SLC16A7: variants seen among roughly 807,000 people sequenced by gnomAD.
SLC16A7 encodes solute carrier family 16 member 7, also known as monocarboxylate transporter 2.
Under a neutral mutation model 34.9 loss-of-function variants are expected in SLC16A7, and 33 were observed. The ratio of observed to expected loss-of-function variants is 0.94; its 90% CI spans 0.72 to 1.26. SLC16A7 has a LOEUF of 1.26. SLC16A7 is among the 50% of genes most tolerant of loss of function. SLC16A7 has a pLI of 0.00. For missense variants in SLC16A7, 573 were observed against 578.1 expected (o/e 0.99, Z 0.09); for synonymous variants, 201 against 206.6 (o/e 0.97, Z 0.23).
chr12:59,718,020 T>C (rs916153800), intron 3 of SLC16A7, among the ~76,000 whole-genome samples: 4 of 152,186 alleles, frequency 2.6e-5, no homozygotes, highest in Admixed American at 6.5e-5. Context: ...AGTATCTAAA[T>C]TTCTGTTTGG....
intron 1 of SLC16A7, among the ~76,000 whole-genome samples, chr12:59,646,580 A>C (rs938103439): frequency 6.6e-6 from 1 of 152,150 alleles, no homozygotes; most frequent in African/African-American, 2.4e-5. Context: ...GGCAGTGCAG[A>C]AGGTGAATGT....
intron 4 of SLC16A7, among the ~76,000 whole-genome samples, chr12:59,772,482 T>C (rs1014152174): frequency 5.9e-5 from 9 of 152,170 alleles, no homozygotes; most frequent in African/African-American, 9.7e-5. Context: ...GCATTATTGG[T>C]GTTTCAACTT....
rs576320262 is a variant in SLC16A7, at chr12:59,633,062, C to T, written c.-129-22090C>T. ...AAGAATAATAATTCTGATGTTCATC[C>T]GGGGGTGGATATGACAAGATTTTGA... On this transcript the variant is annotated intron_variant, in intron 1 of 5. Coordinates refer to ENST00000547379, the MANE Select transcript of SLC16A7 (RefSeq NM_001270623.2). Among the ~76,000 whole-genome samples the T allele has an allele frequency of 1.3e-4, 20 of 151,970 alleles. No homozygotes were observed. In the East Asian group the frequency reaches 2.3e-3, roughly 18 times the overall value.
chr12:59,613,838 A>G (rs1879314360), intron 1 of SLC16A7, among the ~76,000 whole-genome samples: 1 of 152,234 alleles, frequency 6.6e-6, no homozygotes, highest in Non-Finnish European at 1.5e-5. Context: ...CCAACAATTC[A>G]AACAAAAAGT....
intron 3 of SLC16A7, among the ~76,000 whole-genome samples, chr12:59,750,778 C>T (rs1879432319): frequency 1.3e-5 from 2 of 152,138 alleles, no homozygotes; most frequent in South Asian, 4.1e-4. Context: ...TACTGTAGCA[C>T]TGTTCACAAT....
At chr12:59,711,830 G>A (rs182811198) in intron 3 of SLC16A7, among the ~76,000 whole-genome samples, 9 of 152,246 alleles carry the variant, frequency 5.9e-5, no homozygotes, top group Non-Finnish European at 1.5e-5. Flanking sequence ...TATGTGAGTT[G>A]GTGCCTAGAG....
At chr12:59,637,413 G>A (rs542973865) in intron 1 of SLC16A7, among the ~76,000 whole-genome samples, 3 of 150,772 alleles carry the variant, frequency 2.0e-5, no homozygotes, top group Admixed American at 1.3e-4. Context: ...CCTCGGTCTC[G>A]TTGAGGCTTT....
intron 3 of SLC16A7, chr12:59,735,892 G>T: frequency 9.0e-7 from 1 of 1,112,262 alleles, no homozygotes; most frequent in Non-Finnish European, 1.1e-6. Flanking sequence ...CCTTTCAAAT[G>T]GCCCCTAACA....
intron 5 of SLC16A7, among the ~76,000 whole-genome samples, chr12:59,777,706 GGTTA>G (rs1882899165): frequency 6.6e-6 from 1 of 151,494 alleles, no homozygotes; most frequent in Non-Finnish European, 1.5e-5. Context: ...ACAATGTGCA[GGTTA>G]GTTACATATG....
intron 3 of SLC16A7, among the ~76,000 whole-genome samples, chr12:59,726,754 T>G (rs1445577219): frequency 6.6e-6 from 1 of 152,092 alleles, no homozygotes; most frequent in African/African-American, 2.4e-5. Flanking sequence ...TTTCCTTACC[T>G]TCCTGTCCTG....
chr12:59,775,185 G>A lies in SLC16A7; in HGVS notation c.890G>A (p.Arg297Lys). The A allele has an allele frequency of 6.2e-7, 1 of 1,614,088 alleles. No homozygotes were observed. The highest frequency in any genetic ancestry group is 1.1e-5 in the South Asian group (1 of 91,084). Residue 297 changes from arginine to lysine, a missense_variant, in exon 5 of 6, where the codon AGG becomes AAG. Arg to Lys is a conservative substitution (Grantham distance 26). Transcript: ENST00000547379. ...ATGGCTTTCGTTGATATGTTTGCTA[G>A]GCCTTCTGTAGGATTAATTGCAAAC... Reference protein sequence around the residue: ...SVMAFVDMFARPSVGLIANSK... With the variant: ...SVMAFVDMFAKPSVGLIANSK...
intron 1 of SLC16A7, among the ~76,000 whole-genome samples, chr12:59,630,703 G>T (rs947303698): frequency 3.3e-5 from 5 of 151,838 alleles, no homozygotes; most frequent in African/African-American, 7.2e-5. Flanking sequence ...GAATATATAT[G>T]CATCAAATTT....
chr12:59,658,288 C>T (rs1167165158), intron 2 of SLC16A7, among the ~76,000 whole-genome samples: 1 of 151,996 alleles, frequency 6.6e-6, no homozygotes, highest in Non-Finnish European at 1.5e-5. Flanking sequence ...CACTAATTGG[C>T]ATCTCATTTA....
chr12:59,671,761 ATGTATATATG>A (rs1869729336), intron 2 of SLC16A7, among the ~76,000 whole-genome samples: 1 of 143,740 alleles, frequency 7.0e-6, no homozygotes, highest in Non-Finnish European at 1.5e-5. Context: ...TAATGTGTAT[ATGTATATATG>A]TGTATATATA....
At chr12:59,701,171 G>C (rs575673805) in intron 2 of SLC16A7, among the ~76,000 whole-genome samples, 2 of 151,184 alleles carry the variant, frequency 1.3e-5, no homozygotes, top group South Asian at 4.2e-4. Context: ...TAGGATGATA[G>C]GTAAATTTGT....
chr12:59,704,778 T>G lies in SLC16A7; in HGVS notation c.-24T>G. 1 of 1,552,142 alleles carries G rather than the reference T, an allele frequency of 6.4e-7. No individual in the cohort carries two copies. Among genetic ancestry groups the G allele is most frequent in the Non-Finnish European group, 8.9e-7 (1 of 1,127,998 alleles). On this transcript the variant is annotated 5_prime_UTR_variant, in exon 3 of 6. Transcript: ENST00000547379. ...TTTCATTATTTTAATATAGGTTACTTGAATTTCCACTAGAGGAGCAGAAAT... is the reference window on the plus strand; with the variant it reads ...TTTCATTATTTTAATATAGGTTACTGGAATTTCCACTAGAGGAGCAGAAAT...
chr12:59,756,445 A>G (rs866211297), intron 3 of SLC16A7, among the ~76,000 whole-genome samples: 1 of 152,080 alleles, frequency 6.6e-6, no homozygotes, highest in Middle Eastern at 3.4e-3. Flanking sequence ...AAGTGGACGA[A>G]GGACATGAAC....
At chr12:59,671,678 C>CTCTA (rs1016502214) in intron 2 of SLC16A7, among the ~76,000 whole-genome samples, 1 of 143,914 alleles carries the variant, frequency 6.9e-6, no homozygotes, top group African/African-American at 2.6e-5. Context: ...CTCTCTCTCT[C>CTCTA]TATATATATA....
At chr12:59,659,886 C>A (rs77639064) in intron 2 of SLC16A7, among the ~76,000 whole-genome samples, 2 of 151,954 alleles carry the variant, frequency 1.3e-5, no homozygotes, top group Admixed American at 6.6e-5. Context: ...TGGAATGGAT[C>A]GAAGTGTTAT....
Sources: allele counts gnomAD v4.1 joint callset (sites outside exome capture counted in the v4.1 genomes callset), GRCh38; gene constraint gnomAD v4.1.1; transcripts MANE v1.5; gene names NCBI Gene and HGNC (gene_info 2026-07-23, HGNC 2026-07-21).